Variants in RSPH3 observed in about 807,000 individuals in gnomAD.
RSPH3 encodes the protein radial spoke head protein 3 homolog.
Under a neutral mutation model 43.8 loss-of-function variants are expected in RSPH3, and 21 were observed. That is an observed-to-expected ratio of 0.48 (90% confidence interval 0.34 to 0.69). The LOEUF is 0.69. Ranked by LOEUF, RSPH3 falls within the 30% of genes least tolerant of loss-of-function variation. The pLI, the probability that RSPH3 is intolerant of heterozygous loss-of-function variation, is 0.01. For synonymous variants in RSPH3, 173 were observed against 179.8 expected (o/e 0.96, Z 0.30); for missense variants, 487 against 516.0 (o/e 0.94, Z 0.54).
Position 158,978,270 on chromosome 6 carries a change from T to C in RSPH3, c.936A>G (p.Thr312=), listed in dbSNP as rs1777917667. 4 of 1,561,376 alleles carry C rather than the reference T, an allele frequency of 2.6e-6. No individual in the cohort carries two copies. Among genetic ancestry groups the C allele is most frequent in the Admixed American group, 1.7e-5 (1 of 59,290 alleles). Residue 312 remains threonine (T), a synonymous_variant, in exon 7 of 8, where the codon ACA becomes ACG. Transcript: ENST00000367069. ...KTMEYSMVGR[T]VLDMLIREVV... is the part of the protein sequence containing the mutation. The stretch of plus-strand genomic sequence containing the variant: ...GATAAAATAACTTACTGTCAAGCAC[T>C]GTTCTTCCCACCATGCTATATTCCA...
In RSPH3 at chr6:158,999,828, C is replaced by T. The variant is rs868234226; in HGVS notation, c.-278G>A. The T allele has an allele frequency of 6.8e-6, 11 of 1,613,812 alleles. No individual in the cohort carries two copies. Among genetic ancestry groups the T allele is most frequent in the Non-Finnish European group, 9.3e-6 (11 of 1,179,882 alleles). On this transcript the variant is annotated 5_prime_UTR_variant, in exon 1 of 8. Coordinates refer to ENST00000367069, the MANE Select transcript of RSPH3 (RefSeq NM_031924.8). ...TCTGTCTGGGGGCGGGAACTCCGGG[C>T]AGTTCCGGTCCCCAGGTTTCCCGGG...
Position 158,977,508 on chromosome 6 carries a change from G to T in RSPH3, c.*30C>A, listed in dbSNP as rs1237755012. 2 of 1,558,712 alleles carry T rather than the reference G, an allele frequency of 1.3e-6. No homozygotes were observed. The highest frequency in any genetic ancestry group is 4.5e-5 in the East Asian group (2 of 44,504). ...CTGATTGCTTGCTGACTTGGCTGTTGATTGGTTTCATGACTTTGAAGCTTC... is the reference window on the plus strand; with the variant it reads ...CTGATTGCTTGCTGACTTGGCTGTTTATTGGTTTCATGACTTTGAAGCTTC... On this transcript the variant is annotated 3_prime_UTR_variant, in exon 8 of 8. Transcript: ENST00000367069.
intron 2 of RSPH3, among the ~76,000 whole-genome samples, chr6:158,991,458 A>C (rs540199282): frequency 0.018 from 2,706 of 152,334 alleles, 32 homozygotes; most frequent in Middle Eastern, 0.024. Context: ...TTGTACCAAC[A>C]CATTGGTGCC....
rs779139199 is a variant in RSPH3 at position 158,986,396 on chromosome 6, A to G, written c.230T>C (p.Leu77Pro). 16 of 1,613,764 alleles carry G rather than the reference A, an allele frequency of 9.9e-6. No individual in the cohort carries two copies. The Admixed American group carries it at 2.5e-4, about 25-fold the overall frequency. The change falls in exon 3 of 8, where the codon CTC (leucine) becomes CCC (proline). Residue 77 changes from leucine to proline, a missense_variant. Transcript: ENST00000367069. Reference protein sequence around the residue: ...PLLGRPDSLELQRQREARKRA... With the variant: ...PLLGRPDSLEPQRQREARKRA... ...CTTCCTAGCCTCCCGTTGTCTCTGGAGCTCTAGAGAATCAGGCCGTCCGAG... is the reference window on the plus strand; with the variant it reads ...CTTCCTAGCCTCCCGTTGTCTCTGGGGCTCTAGAGAATCAGGCCGTCCGAG...
chr6:158,986,278 A>G lies in RSPH3; in HGVS notation c.346+2T>C. 6.2e-7 allele frequency: 1 copy of G among 1,613,394 alleles called. No homozygotes were observed. ...CACAATGCCAAGGGCACAGTCACAC[A>G]CCTGTTTGCACATCGACATGCTTTC... On this transcript the variant is annotated splice_donor_variant, in intron 3 of 7. Transcript: ENST00000367069. LOFTEE classifies it high-confidence loss of function.
intron 5 of RSPH3, 33 bp downstream of exon 5, chr6:158,982,452 A>G (rs1183630538): frequency 7.0e-7 from 1 of 1,426,852 alleles, no homozygotes; most frequent in Non-Finnish European, 9.6e-7. Flanking sequence ...TAGCCAAAAG[A>G]CTGCCTAAGA....
In RSPH3 at chr6:158,989,390, G is replaced by T. The variant is rs994869368; in HGVS notation, c.205-2969C>A. ...GATTGCTGCCTCCTTTTTGGCTCTA[G>T]GTGGTGCCTTAAGGCCAGGTTCACC... On this transcript the variant is annotated intron_variant, in intron 2 of 7. Coordinates refer to ENST00000367069, the MANE Select transcript of RSPH3 (RefSeq NM_031924.8). This position sits in a 1 kb window ranked among gnomAD's most constrained non-coding sequence, Gnocchi z 4.3. Among the ~76,000 whole-genome samples the T allele has an allele frequency of 1.3e-5, 2 of 152,098 alleles. No individual in the cohort carries two copies. Among genetic ancestry groups the T allele is most frequent in the African/African-American group, 2.4e-5 (1 of 41,412 alleles).
At chr6:158,980,283 C>G (rs1777988164) in intron 6 of RSPH3, among the ~76,000 whole-genome samples, 1 of 152,162 alleles carries the variant, frequency 6.6e-6, no homozygotes, top group East Asian at 1.9e-4. Context: ...CAAAAATTAG[C>G]TGGGCGTGGT....
the RSPH3 span, among the ~76,000 whole-genome samples, chr6:158,967,625 A>C: frequency 0.018 from 2,710 of 152,080 alleles, 35 homozygotes; most frequent in Middle Eastern, 0.024. Context: ...ATTTCACATC[A>C]TTTTTTTCTT....
chr6:158,999,720 G>C lies in RSPH3; in HGVS notation c.-170C>G, dbSNP rs763281445. The C allele has an allele frequency of 6.8e-6, 11 of 1,613,584 alleles. No homozygotes were observed. The highest frequency in any genetic ancestry group is 9.3e-6 in the Non-Finnish European group (11 of 1,179,822). On this transcript the variant is annotated 5_prime_UTR_variant, in exon 1 of 8. Transcript: ENST00000367069. The stretch of plus-strand genomic sequence containing the variant: ...GCGGGACGGGAGGTTACCAGCGCAG[G>C]AGGTGGGAGCTATACTGGGCTCGCT...
chr6:158,994,669 TAAG>T (rs905950886), intron 1 of RSPH3, among the ~76,000 whole-genome samples: 9 of 152,048 alleles, frequency 5.9e-5, no homozygotes, highest in Non-Finnish European at 1.2e-4. Flanking sequence ...AATAAATAAA[TAAG>T]AAATAAAATA....
the RSPH3 span, among the ~76,000 whole-genome samples, chr6:158,967,125 C>A: frequency 4.6e-5 from 7 of 152,018 alleles, no homozygotes; most frequent in Admixed American, 2.0e-4. Context: ...ATTCTCCTAT[C>A]TTAGCCTCTC....
In RSPH3 at chr6:158,978,305, C is replaced by A; in HGVS notation, c.901G>T (p.Glu301Ter). Residue 301 changes from glutamate (E) to a stop codon, truncating the protein, a stop_gained, in exon 7 of 8, where the codon GAA becomes TAA. Coordinates refer to ENST00000367069, the MANE Select transcript of RSPH3 (RefSeq NM_031924.8). LOFTEE classifies it low-confidence loss of function (END_TRUNC). ...GFLPWLMNEV[E>*]KTMEYSMVGR... is the part of the protein sequence containing the mutation. Reference sequence around the variant, plus strand: ...ACCATGCTATATTCCATGGTTTTTTCAACTTCATTCATTAGCCATGGAAGA... The same window carrying A: ...ACCATGCTATATTCCATGGTTTTTTAAACTTCATTCATTAGCCATGGAAGA... 1 of 1,577,682 alleles carries A rather than the reference C, an allele frequency of 6.3e-7. No homozygotes were observed. The highest frequency in any genetic ancestry group is 1.1e-5 in the South Asian group (1 of 89,972).
chr6:158,988,755 CT>C (rs1487526627), intron 2 of RSPH3, among the ~76,000 whole-genome samples: 5 of 152,124 alleles, frequency 3.3e-5, no homozygotes, highest in Non-Finnish European at 5.9e-5. Flanking sequence ...TTATTTCAAT[CT>C]CTTTGTTACA....
intron 1 of RSPH3, among the ~76,000 whole-genome samples, chr6:158,996,013 C>T (rs1778582608): frequency 6.6e-6 from 1 of 152,188 alleles, no homozygotes; most frequent in South Asian, 2.1e-4. Flanking sequence ...AATCACATCT[C>T]AAAGTCCCTT....
chr6:158,979,124 C>A (rs1777945697), intron 6 of RSPH3, among the ~76,000 whole-genome samples: 1 of 152,146 alleles, frequency 6.6e-6, no homozygotes, highest in South Asian at 2.1e-4. Context: ...GTGTTTCCAT[C>A]AGTATCAAGT....
At chr6:158,968,554 A>G (rs1452930563), downstream of RSPH3, among the ~76,000 whole-genome samples, 1 of 151,920 alleles carries the variant, frequency 6.6e-6, no homozygotes, top group Non-Finnish European at 1.5e-5. Context: ...TATTTTGTAA[A>G]AAGATACTTT....
In RSPH3 at chr6:158,980,980, C is replaced by A. The variant is rs748081805; in HGVS notation, c.697-44G>T. On this transcript the variant is annotated intron_variant, in intron 5 of 7. Coordinates refer to ENST00000367069, the MANE Select transcript of RSPH3 (RefSeq NM_031924.8). The stretch of plus-strand genomic sequence containing the variant: ...GTGGTTATTTAGCTCTTATGCCCTC[C>A]CCAAGTGCTGAATCTAGTGAAGTTA... The A allele has an allele frequency of 1.9e-6, 3 of 1,595,744 alleles. 1 individual carries two copies. Among genetic ancestry groups the A allele is most frequent in the Non-Finnish European group, 2.6e-6 (3 of 1,164,810 alleles).
Position 158,986,319 on chromosome 6 carries a change from C to A in RSPH3, c.307G>T (p.Glu103Ter). Residue 103 changes from glutamate (E) to a stop codon, truncating the protein, a stop_gained, in exon 3 of 8, where the codon GAA becomes TAA. Coordinates refer to ENST00000367069, the MANE Select transcript of RSPH3 (RefSeq NM_031924.8). LOFTEE classifies it high-confidence loss of function. ...ACATGCTTTCTGCCTTCCACAGGTTCAGGTGTTTGTGGTCTGAGCTGCTCT... is the reference window on the plus strand; with the variant it reads ...ACATGCTTTCTGCCTTCCACAGGTTAAGGTGTTTGTGGTCTGAGCTGCTCT... ...AQEQLRPQTP[E>*]PVEGRKHVDV... is the part of the protein sequence containing the mutation. The A allele has an allele frequency of 3.1e-6, 5 of 1,614,194 alleles. No homozygotes were observed. Among genetic ancestry groups the A allele is most frequent in the Non-Finnish European group, 4.2e-6 (5 of 1,180,024 alleles).
Sources: gnomAD v4.1 joint callset for allele counts (sites outside exome capture counted in the v4.1 genomes callset) on GRCh38, gnomAD v4.1.1 for gene constraint, Gnocchi (gnomAD v3.1) non-coding constraint, MANE v1.5 for transcripts, NCBI Gene and HGNC (gene_info 2026-07-23, HGNC 2026-07-21) for gene names.